DIP2B: variants seen among roughly 807,000 people sequenced by gnomAD.
The protein encoded by DIP2B is DIP2 acetate--CoA ligase B (putative), also known as disco-interacting protein 2 homolog B.
In DIP2B, 76 loss-of-function variants were observed where a neutral mutation model predicts 198.0. The ratio of observed to expected loss-of-function variants is 0.38; its 90% CI spans 0.32 to 0.46. The LOEUF (loss-of-function observed/expected upper bound fraction) is 0.46, where lower values mean the gene tolerates loss of function less well. DIP2B is among the 20% of genes least tolerant of loss of function. DIP2B has a pLI of 0.99. For synonymous variants in DIP2B, 701 were observed against 739.1 expected, an observed-to-expected ratio of 0.95 and a Z score of 0.84; for missense variants, 1,559 against 1,978.4, an observed-to-expected ratio of 0.79 and a Z score of 4.02.
rs117638271 is a variant in DIP2B at position 50,644,218 on chromosome 12, A to G, written c.301+3366A>G. ...ATTTCAAGTATACTACCTTATTAGTATATTTCTTTTTCCTGCACATCCAGG... is the reference window on the plus strand; with the variant it reads ...ATTTCAAGTATACTACCTTATTAGTGTATTTCTTTTTCCTGCACATCCAGG... On this transcript the variant is annotated intron_variant, in intron 3 of 37. Transcript: ENST00000301180. Among the ~76,000 whole-genome samples the G allele has an allele frequency of 3.9e-5, 6 of 152,286 alleles. No homozygotes were observed. In the East Asian group the frequency reaches 9.6e-4, roughly 24 times the overall value.
intron 1 of DIP2B, among the ~76,000 whole-genome samples, chr12:50,548,928 A>G (rs1018654772): frequency 2.0e-5 from 3 of 152,210 alleles, no homozygotes; most frequent in African/African-American, 4.8e-5. Context: ...TGTTCAGAAA[A>G]TGTGCAGTTT....
chr12:50,649,053 TG>T (rs1477266888), intron 3 of DIP2B, among the ~76,000 whole-genome samples: 2 of 152,060 alleles, frequency 1.3e-5, no homozygotes, highest in East Asian at 3.9e-4. Flanking sequence ...ACTTAAGAAA[TG>T]TCTAAAACCT....
At chr12:50,675,113 A>G (rs1203175851) in intron 6 of DIP2B, among the ~76,000 whole-genome samples, 1 of 152,272 alleles carries the variant, frequency 6.6e-6, no homozygotes, top group Non-Finnish European at 1.5e-5. Flanking sequence ...CTGAAAAGGA[A>G]GATTAGGTGA....
chr12:50,730,131 C>T (rs1325885022), intron 30 of DIP2B, among the ~76,000 whole-genome samples: 1 of 152,154 alleles, frequency 6.6e-6, no homozygotes, highest in Non-Finnish European at 1.5e-5. Flanking sequence ...TTCAGTGGCT[C>T]GTATCACCAA....
intron 26 of DIP2B, 108 bp downstream of exon 26, chr12:50,721,504 A>ACTTC: frequency 6.7e-7 from 1 of 1,492,094 alleles, no homozygotes; most frequent in Non-Finnish European, 9.0e-7. Context: ...CAAGCAGTGT[A>ACTTC]CTTCCCAACA....
At chr12:50,650,906 A>G (rs1335077697) in intron 3 of DIP2B, among the ~76,000 whole-genome samples, 6 of 152,224 alleles carry the variant, frequency 3.9e-5, no homozygotes, top group Non-Finnish European at 5.9e-5. Flanking sequence ...TAGAAGCTAT[A>G]TCATTTTACA....
chr12:50,747,853 A>T lies in DIP2B; in HGVS notation c.*3014A>T, dbSNP rs1484223490. 1 of 152,524 alleles carries T rather than the reference A, an allele frequency of 6.6e-6. No homozygotes were observed. The allele number at this position is 152,524 out of a possible 1,614,324, so 9.4% of individuals were successfully genotyped here. On this transcript the variant is annotated 3_prime_UTR_variant, in exon 38 of 38. Coordinates refer to ENST00000301180, the MANE Select transcript of DIP2B (RefSeq NM_173602.3). ...TAGATCAGGAAGGGGCTGCCTCAGG[A>T]AAATTCCTAGATCCTAGGAATTCAG...
In DIP2B at chr12:50,626,564, C is replaced by T. The variant is rs74728577; in HGVS notation, c.172+517C>T. ...CCTGAATTAATTTCATGCTTAATGC[C>T]AAAGGGGTTGCCATAACCTTTGCCT... On this transcript the variant is annotated intron_variant, in intron 2 of 37. Coordinates refer to ENST00000301180, the MANE Select transcript of DIP2B (RefSeq NM_173602.3). Among the ~76,000 whole-genome samples, 793 of 152,256 alleles carry T rather than the reference C, an allele frequency of 5.2e-3. 1 individual carries two copies. The highest frequency in any genetic ancestry group is 0.018 in the African/African-American group (766 of 41,536).
intron 1 of DIP2B, among the ~76,000 whole-genome samples, chr12:50,573,332 C>A (rs952276419): frequency 3.9e-5 from 6 of 152,186 alleles, no homozygotes; most frequent in Non-Finnish European, 7.3e-5. Flanking sequence ...GATTGAGTAT[C>A]GATCAAGTTG....
intron 3 of DIP2B, among the ~76,000 whole-genome samples, chr12:50,654,142 G>A (rs766160010): frequency 1.6e-4 from 24 of 152,102 alleles, no homozygotes; most frequent in Non-Finnish European, 3.1e-4. Flanking sequence ...CCAAAGTGCT[G>A]GGATTACAAG....
intron 1 of DIP2B, among the ~76,000 whole-genome samples, chr12:50,595,030 T>C (rs927948835): frequency 1.3e-5 from 2 of 152,228 alleles, no homozygotes; most frequent in Non-Finnish European, 2.9e-5. Flanking sequence ...TTGAAAGAAA[T>C]ATCTACTTTG....
intron 27 of DIP2B, among the ~76,000 whole-genome samples, chr12:50,724,217 G>C (rs1339212349): frequency 6.6e-6 from 1 of 152,210 alleles, no homozygotes; most frequent in Non-Finnish European, 1.5e-5. Flanking sequence ...AAGCAGGGAG[G>C]GGAGTTGCTG....
At chr12:50,512,983 G>A (rs1303584925) in intron 1 of DIP2B, among the ~76,000 whole-genome samples, 1 of 152,150 alleles carries the variant, frequency 6.6e-6, no homozygotes, top group African/African-American at 2.4e-5. Flanking sequence ...CTCCAGCCTG[G>A]GCGACAGAGC....
intron 1 of DIP2B, among the ~76,000 whole-genome samples, chr12:50,597,808 T>C (rs1164575621): frequency 6.6e-6 from 1 of 152,236 alleles, no homozygotes; most frequent in African/African-American, 2.4e-5. Flanking sequence ...TTTCAGTCTT[T>C]GTGCACATAA....
intron 3 of DIP2B, among the ~76,000 whole-genome samples, chr12:50,643,960 A>C (rs1938305047): frequency 6.6e-6 from 1 of 152,218 alleles, no homozygotes; most frequent in Non-Finnish European, 1.5e-5. Context: ...ATTCAGAATA[A>C]AGTGATGGCT....
intron 2 of DIP2B, among the ~76,000 whole-genome samples, chr12:50,632,030 A>G (rs1024966953): frequency 3.3e-5 from 5 of 149,800 alleles, no homozygotes; most frequent in East Asian, 3.9e-4. Flanking sequence ...AGGTCTCACT[A>G]TGTTGCCCAA....
chr12:50,567,681 C>T (rs1048269357), intron 1 of DIP2B, among the ~76,000 whole-genome samples: 1 of 152,122 alleles, frequency 6.6e-6, no homozygotes, highest in East Asian at 1.9e-4. Context: ...GCGCCCGCCA[C>T]CATGCTTGGC....
At chr12:50,543,198 A>G (rs1344130593) in intron 1 of DIP2B, among the ~76,000 whole-genome samples, 1 of 151,988 alleles carries the variant, frequency 6.6e-6, no homozygotes, top group African/African-American at 2.4e-5. Context: ...CTACATATAC[A>G]TCCTCCACCA....
chr12:50,732,228 G>T (rs929919219), intron 31 of DIP2B, 138 bp from the exon 32 acceptor site: 2 of 901,822 alleles, frequency 2.2e-6, no homozygotes, highest in Non-Finnish European at 3.3e-6. Flanking sequence ...TCTGAAAGCT[G>T]CTTTTTTCTC....
Sources: gnomAD v4.1 joint callset for allele counts (sites outside exome capture counted in the v4.1 genomes callset) on GRCh38, gnomAD v4.1.1 for gene constraint, MANE v1.5 for transcripts, NCBI Gene and HGNC (gene_info 2026-07-23, HGNC 2026-07-21) for gene names.